ENOX1: variants seen among roughly 807,000 people sequenced by gnomAD.
ENOX1 encodes the protein candidate growth-related and time keeping constitutive hydroquinone (NADH) oxidase.
ENOX1 carries 42 observed loss-of-function variants against 82.5 expected under a neutral mutation model. The observed-to-expected ratio is 0.51, with a 90% CI of 0.40 to 0.66. ENOX1 has a LOEUF of 0.66. Ranked by LOEUF, ENOX1 falls within the 30% of genes least tolerant of loss-of-function variation. The pLI is 0.00. For missense variants in ENOX1, 608 were observed against 811.6 expected, an observed-to-expected ratio of 0.75 and a Z score of 3.05; for synonymous variants, 271 against 282.2, an observed-to-expected ratio of 0.96 and a Z score of 0.40.
intron 16 of ENOX1, among the ~76,000 whole-genome samples, chr13:43,219,846 G>C (rs1168786222): frequency 6.6e-6 from 1 of 152,266 alleles, no homozygotes; most frequent in Non-Finnish European, 1.5e-5. Context: ...CTGGTGAAGA[G>C]GGGCTCCTGT....
At chr13:43,417,018 G>C (rs774433522) in intron 3 of ENOX1, among the ~76,000 whole-genome samples, 1 of 152,190 alleles carries the variant, frequency 6.6e-6, no homozygotes. Flanking sequence ...AGACCAGCCC[G>C]GTCAACAGGG....
intron 7 of ENOX1, among the ~76,000 whole-genome samples, chr13:43,357,976 G>A (rs1337123954): frequency 1.3e-5 from 2 of 152,148 alleles, no homozygotes; most frequent in Non-Finnish European, 2.9e-5. Context: ...GAGTTAGGAG[G>A]CTCCTCTGCA....
chr13:43,583,851 T>C (rs2080859207), intron 2 of ENOX1, among the ~76,000 whole-genome samples: 1 of 151,500 alleles, frequency 6.6e-6, no homozygotes, highest in South Asian at 2.1e-4. Flanking sequence ...GTAAGGGCCA[T>C]GTCTTATGTA....
intron 15 of ENOX1, among the ~76,000 whole-genome samples, chr13:43,226,397 C>A (rs186021485): frequency 2.0e-4 from 30 of 152,284 alleles, no homozygotes; most frequent in Middle Eastern, 6.8e-3. Context: ...ATGGCCATCA[C>A]CTCAGACGTT....
intron 3 of ENOX1, among the ~76,000 whole-genome samples, chr13:43,451,887 C>T (rs2056987091): frequency 6.6e-6 from 1 of 151,924 alleles, no homozygotes. Context: ...AGATAGATCA[C>T]AAATAAACAA....
intron 1 of ENOX1, among the ~76,000 whole-genome samples, chr13:43,718,751 G>A (rs1035790636): frequency 2.1e-5 from 3 of 144,820 alleles, no homozygotes; most frequent in African/African-American, 5.2e-5. Context: ...TAGGAATAAC[G>A]ATATAATGTT....
At chr13:43,699,449 G>C (rs2086803207) in intron 1 of ENOX1, among the ~76,000 whole-genome samples, 1 of 152,136 alleles carries the variant, frequency 6.6e-6, no homozygotes, top group South Asian at 2.1e-4. Flanking sequence ...CTCCTTTTCT[G>C]AATACTAAAG....
intron 3 of ENOX1, among the ~76,000 whole-genome samples, chr13:43,433,780 C>T (rs1389178807): frequency 6.6e-6 from 1 of 152,160 alleles, no homozygotes; most frequent in Non-Finnish European, 1.5e-5. Context: ...TGCTGGAACG[C>T]ACCTCAGACA....
At chr13:43,728,811 G>A (rs1450128358) in intron 1 of ENOX1, among the ~76,000 whole-genome samples, 1 of 152,128 alleles carries the variant, frequency 6.6e-6, no homozygotes, top group Non-Finnish European at 1.5e-5. Context: ...ACACAAGCTG[G>A]AGAAAAAATT....
intron 1 of ENOX1, among the ~76,000 whole-genome samples, chr13:43,772,409 A>G (rs1421143531): frequency 1.3e-5 from 2 of 152,108 alleles, no homozygotes; most frequent in African/African-American, 4.8e-5. Context: ...CCATTTGTCT[A>G]TTCTGTGTCT....
intron 1 of ENOX1, among the ~76,000 whole-genome samples, chr13:43,705,431 A>T (rs1393903307): frequency 6.6e-6 from 1 of 151,352 alleles, no homozygotes; most frequent in Non-Finnish European, 1.5e-5. Context: ...ATGCTCTATT[A>T]AAAAAGATGC....
chr13:43,450,829 G>A (rs1342359710), intron 3 of ENOX1, among the ~76,000 whole-genome samples: 2 of 152,100 alleles, frequency 1.3e-5, no homozygotes, highest in African/African-American at 4.8e-5. Context: ...GACCCAGGAA[G>A]GTTTAGCATC....
intron 15 of ENOX1, among the ~76,000 whole-genome samples, chr13:43,230,760 G>C (rs574830919): frequency 1.1e-4 from 16 of 152,232 alleles, no homozygotes; most frequent in African/African-American, 3.9e-4. Context: ...AGGTATTATG[G>C]TTTCTCCTTT....
rs536545533 is a variant in ENOX1, at chr13:43,566,536, G to A, written c.-218-82384C>T. Reference sequence around the variant, plus strand: ...GAATATACAAATTGTTATTTTCAGTGGCAATAGCATGTCTATCTTCTGTTG... The same window carrying A: ...GAATATACAAATTGTTATTTTCAGTAGCAATAGCATGTCTATCTTCTGTTG... On this transcript the variant is annotated intron_variant, in intron 2 of 16. Transcript: ENST00000690772. 1.4e-3 allele frequency among the ~76,000 whole-genome samples: 213 copies of A among 152,010 alleles called. 1 individual carries two copies. The highest frequency in any genetic ancestry group is 5.0e-3 in the African/African-American group (206 of 41,474).
At chr13:43,765,491 G>C (rs983111084) in intron 1 of ENOX1, among the ~76,000 whole-genome samples, 2 of 152,056 alleles carry the variant, frequency 1.3e-5, no homozygotes, top group African/African-American at 2.4e-5. Context: ...GAATTAATCT[G>C]ACACCCTGCT....
intron 3 of ENOX1, among the ~76,000 whole-genome samples, chr13:43,431,584 T>G (rs2055666809): frequency 6.6e-6 from 1 of 152,234 alleles, no homozygotes; most frequent in Admixed American, 6.5e-5. Flanking sequence ...AAAATGTTTT[T>G]CTTGGTAAAT....
intron 2 of ENOX1, among the ~76,000 whole-genome samples, chr13:43,533,547 G>T (rs1432866210): frequency 6.6e-6 from 1 of 152,052 alleles, no homozygotes; most frequent in African/African-American, 2.4e-5. Flanking sequence ...GTCCATCACT[G>T]GTGATGCACA....
At chr13:43,340,304 A>G (rs553631310) in intron 9 of ENOX1, among the ~76,000 whole-genome samples, 2 of 152,282 alleles carry the variant, frequency 1.3e-5, no homozygotes, top group East Asian at 3.9e-4. Flanking sequence ...GCTCACATTT[A>G]AGGTATCCCC....
chr13:43,510,007 A>G (rs558834123), intron 2 of ENOX1, among the ~76,000 whole-genome samples: 5 of 152,206 alleles, frequency 3.3e-5, no homozygotes, highest in African/African-American at 1.2e-4. Context: ...AGTGGTACAC[A>G]TCAGACGTCT....
Sources: gnomAD v4.1 joint callset for allele counts (sites outside exome capture counted in the v4.1 genomes callset) on GRCh38, gnomAD v4.1.1 for gene constraint, MANE v1.5 for transcripts, NCBI Gene and HGNC (gene_info 2026-07-23, HGNC 2026-07-21) for gene names.